Variants in DMD observed in about 807,000 individuals in gnomAD.
DMD encodes dystrophin, also known as mutant dystrophin.
In DMD, 63 loss-of-function variants were observed where a neutral mutation model predicts 330.1. The observed-to-expected ratio is 0.19, with a 90% CI of 0.16 to 0.24. DMD has a LOEUF of 0.24. DMD is among the 10% of genes least tolerant of loss of function. The pLI, the probability that DMD is intolerant of heterozygous loss-of-function variation, is 1.00. For synonymous variants in DMD, 1,223 were observed against 959.8 expected (o/e 1.27, Z -5.07); for missense variants, 3,344 against 2,684.1 (o/e 1.25, Z -5.43).
intron 50 of DMD, among the ~76,000 whole-genome samples, chrX:31,781,831 T>C (rs1176927381): frequency 9.0e-6 from 1 of 111,464 alleles, no homozygotes; most frequent in Non-Finnish European, 1.9e-5. Flanking sequence ...CAAAAATGTC[T>C]CCTGACATTA....
intron 44 of DMD, among the ~76,000 whole-genome samples, chrX:32,019,348 T>C (rs939004754): frequency 3.6e-5 from 4 of 111,722 alleles, no homozygotes; most frequent in African/African-American, 1.3e-4. Context: ...TACATAATTG[T>C]TCTTCTTTGG....
At chrX:33,335,400 T>A (rs776093507) in intron 1 of DMD, among the ~76,000 whole-genome samples, 1 of 110,725 alleles carries the variant, frequency 9.0e-6, no homozygotes, top group Non-Finnish European at 1.9e-5. Flanking sequence ...GTCATATGAA[T>A]TATGACTGAT....
intron 1 of DMD, among the ~76,000 whole-genome samples, chrX:33,270,964 C>T (rs1456766228): frequency 9.0e-6 from 1 of 111,257 alleles, no homozygotes; most frequent in Non-Finnish European, 1.9e-5. Flanking sequence ...AGAAAAAAGA[C>T]TTTTGTCATC....
chrX:33,332,348 G>C (rs1011856317), intron 1 of DMD, among the ~76,000 whole-genome samples: 8 of 111,690 alleles, frequency 7.2e-5, no homozygotes. Context: ...AATTTTTATT[G>C]ATCAGGTTAT....
intron 49 of DMD, among the ~76,000 whole-genome samples, chrX:31,820,963 A>G (rs1305434204): frequency 8.9e-6 from 1 of 112,627 alleles, no homozygotes; most frequent in Non-Finnish European, 1.9e-5. Context: ...GCCTGGCAAT[A>G]TAACAGTAGG....
intron 7 of DMD, among the ~76,000 whole-genome samples, chrX:32,793,232 A>C (rs773906767): frequency 1.8e-5 from 2 of 112,134 alleles, no homozygotes; most frequent in Non-Finnish European, 3.8e-5. Context: ...TTTTCAAAAA[A>C]TTATTGAAAC....
At chrX:32,241,640 G>A (rs1246431612) in intron 43 of DMD, among the ~76,000 whole-genome samples, 2 of 112,076 alleles carry the variant, frequency 1.8e-5, no homozygotes, top group African/African-American at 6.5e-5. Context: ...AGGGACTTCC[G>A]CCCCATTCTC....
intron 55 of DMD, among the ~76,000 whole-genome samples, chrX:31,529,390 T>TAAATAAAATA (rs778003859): frequency 4.0e-4 from 44 of 109,440 alleles, no homozygotes; most frequent in African/African-American, 1.3e-3. Context: ...GTCTCTAAAA[T>TAAATAAAATA]AAATAAAATA....
chrX:32,770,510 A>T (rs1304070002), intron 7 of DMD, among the ~76,000 whole-genome samples: 1 of 111,615 alleles, frequency 9.0e-6, no homozygotes, highest in Non-Finnish European at 1.9e-5. Context: ...TTGATGTATT[A>T]ATTTTAGTTT....
At chrX:31,611,148 T>C (rs2077892550) in intron 55 of DMD, among the ~76,000 whole-genome samples, 1 of 109,806 alleles carries the variant, frequency 9.1e-6, no homozygotes, top group South Asian at 4.0e-4. Context: ...CTAGTGGTTC[T>C]CAAATTTAAG....
At chrX:33,139,893 A>T (rs1246517119) in intron 1 of DMD, among the ~76,000 whole-genome samples, 14 of 110,054 alleles carry the variant, frequency 1.3e-4, no homozygotes, top group Non-Finnish European at 2.6e-4. Flanking sequence ...AAAAAAAAAA[A>T]AAATGTCTAA....
At chrX:31,588,950 A>G (rs1235411523) in intron 55 of DMD, among the ~76,000 whole-genome samples, 2 of 103,352 alleles carry the variant, frequency 1.9e-5, no homozygotes, top group Non-Finnish European at 3.9e-5. Context: ...TTAAGCCACC[A>G]GTGTGTTCAA....
intron 1 of DMD, among the ~76,000 whole-genome samples, chrX:33,144,659 TG>T (rs2047944002): frequency 8.9e-6 from 1 of 111,761 alleles, no homozygotes; most frequent in South Asian, 3.7e-4. Flanking sequence ...GCAACTAAGA[TG>T]ATTGGAGAGT....
intron 60 of DMD, among the ~76,000 whole-genome samples, chrX:31,435,298 T>C (rs2064429597): frequency 8.9e-6 from 1 of 112,014 alleles, no homozygotes; most frequent in African/African-American, 3.2e-5. Flanking sequence ...TTTTCAAATT[T>C]ATACCATATG....
intron 50 of DMD, among the ~76,000 whole-genome samples, chrX:31,801,953 G>C (rs1251609162): frequency 1.8e-5 from 2 of 111,083 alleles, no homozygotes; most frequent in Non-Finnish European, 3.8e-5. Flanking sequence ...AAAGTGAGTA[G>C]GTATGAGGTC....
intron 2 of DMD, among the ~76,000 whole-genome samples, chrX:32,889,854 C>G (rs1257576504): frequency 9.0e-6 from 1 of 111,284 alleles, no homozygotes; most frequent in Admixed American, 9.5e-5. Flanking sequence ...TCACACAAAG[C>G]CTGTTTGGTG....
intron 63 of DMD, among the ~76,000 whole-genome samples, chrX:31,248,652 T>C (rs2049055036): frequency 8.9e-6 from 1 of 112,167 alleles, no homozygotes; most frequent in Non-Finnish European, 1.9e-5. Context: ...TTCTCTGCCT[T>C]TTCTCTGCTC....
In DMD at chrX:31,945,874, C is replaced by G. The variant is rs868803982; in HGVS notation, c.6615-13647G>C. On this transcript the variant is annotated intron_variant, in intron 45 of 78. Transcript: ENST00000357033. ...TGTCTAACTTTAGACTAAGATGTGTCTCCTCTGTGTGTATTTTTGAAATGT... is the reference window on the plus strand; with the variant it reads ...TGTCTAACTTTAGACTAAGATGTGTGTCCTCTGTGTGTATTTTTGAAATGT... Among the ~76,000 whole-genome samples the G allele has an allele frequency of 9.5e-4, 106 of 111,662 alleles. 1 individual carries two copies. Among genetic ancestry groups the G allele is most frequent in the African/African-American group, 3.4e-3 (103 of 30,715 alleles).
intron 41 of DMD, among the ~76,000 whole-genome samples, chrX:32,329,169 T>C (rs1009393121): frequency 6.2e-5 from 7 of 112,516 alleles, no homozygotes; most frequent in African/African-American, 2.3e-4. Context: ...AGCAGACAAA[T>C]TATAAACAAG....
Sources: gnomAD v4.1 joint callset for allele counts (sites outside exome capture counted in the v4.1 genomes callset) on GRCh38, gnomAD v4.1.1 for gene constraint, MANE v1.5 for transcripts, NCBI Gene and HGNC (gene_info 2026-07-23, HGNC 2026-07-21) for gene names.